The following PTK7 variants were observed in gnomAD, a reference collection of about 807,000 sequenced individuals.
The protein encoded by PTK7 is inactive tyrosine-protein kinase 7.
In PTK7, 39 loss-of-function variants were observed where a neutral mutation model predicts 116.6. The observed-to-expected ratio is 0.33, with a 90% confidence interval of 0.26 to 0.44. PTK7 has a LOEUF of 0.44. Ranked by LOEUF, PTK7 falls within the 20% of genes least tolerant of loss-of-function variation. The pLI is 1.00. For missense variants in PTK7, 1,169 were observed against 1,425.6 expected (o/e 0.82, Z 2.90); for synonymous variants, 546 against 563.6 (o/e 0.97, Z 0.44).
chr6:43,087,631 C>T (rs1766731725), intron 1 of PTK7, among the ~76,000 whole-genome samples: 1 of 152,180 alleles, frequency 6.6e-6, no homozygotes, highest in South Asian at 2.1e-4. Flanking sequence ...CCACATTTGC[C>T]TAAAACTGCC....
In PTK7 at chr6:43,160,910, C is replaced by A. The variant is rs370470203; in HGVS notation, c.*29C>A. On this transcript the variant is annotated 3_prime_UTR_variant, in exon 20 of 20. Transcript: ENST00000230419. ...GGGAGCCCGCTCAGGATGGCCTGGG[C>A]AGGGGAGGACATCTCTAGAGGGAAG... 4.4e-6 allele frequency: 7 copies of A among 1,608,984 alleles called. No homozygotes were observed. The highest frequency in any genetic ancestry group is 1.7e-5 in the Admixed American group (1 of 59,782).
In PTK7 at chr6:43,128,940, C is replaced by T. The variant is rs745399954; in HGVS notation, c.80-37C>T. 1.3e-5 allele frequency: 21 copies of T among 1,566,016 alleles called. No homozygotes were observed. In the South Asian group the frequency reaches 2.3e-4, roughly 17 times the overall value. On this transcript the variant is annotated intron_variant, in intron 1 of 19. Coordinates refer to ENST00000230419, the MANE Select transcript of PTK7 (RefSeq NM_002821.5). ...CTGTGTTAGGACAGAGGCTGCAGCT[C>T]CCCCTGACCCTGCCTCTCCCCTGTT...
At chr6:43,114,463 G>A (rs991222324) in intron 1 of PTK7, among the ~76,000 whole-genome samples, 1 of 151,314 alleles carries the variant, frequency 6.6e-6, no homozygotes, top group Non-Finnish European at 1.5e-5. Context: ...TCTCTCTCCT[G>A]TCTGTCTCTG....
At chr6:43,126,654 A>T (rs955188969) in intron 1 of PTK7, among the ~76,000 whole-genome samples, 1 of 152,234 alleles carries the variant, frequency 6.6e-6, no homozygotes, top group African/African-American at 2.4e-5. Flanking sequence ...TCTTTGGGTC[A>T]TAGTCCTGGC....
chr6:43,103,126 A>C (rs1767674285), intron 1 of PTK7, among the ~76,000 whole-genome samples: 2 of 152,262 alleles, frequency 1.3e-5, no homozygotes, highest in Admixed American at 6.5e-5. Context: ...ACCATTTAGA[A>C]AATACAACAG....
intron 1 of PTK7, among the ~76,000 whole-genome samples, chr6:43,122,787 A>G (rs1335222172): frequency 1.3e-5 from 2 of 151,872 alleles, no homozygotes; most frequent in East Asian, 1.9e-4. Flanking sequence ...TTGTATTTTT[A>G]GTAGATATGG....
At chr6:43,134,557 G>A (rs926683240) in intron 7 of PTK7, among the ~76,000 whole-genome samples, 1 of 151,924 alleles carries the variant, frequency 6.6e-6, no homozygotes, top group Non-Finnish European at 1.5e-5. Context: ...CGAGGTGGGT[G>A]GATCACGAGG....
intron 5 of PTK7, chr6:43,131,762 G>A (rs73736708): frequency 2.6e-5 from 14 of 534,768 alleles, no homozygotes; most frequent in South Asian, 1.8e-4. Context: ...ACTCTCTCTC[G>A]CACCTGCATT....
At chr6:43,082,421 C>T (rs748992904) in intron 1 of PTK7, among the ~76,000 whole-genome samples, 2 of 152,148 alleles carry the variant, frequency 1.3e-5, no homozygotes, top group South Asian at 2.1e-4. Flanking sequence ...CATGATCCGC[C>T]CACCTCAGCC....
intron 1 of PTK7, among the ~76,000 whole-genome samples, chr6:43,118,655 C>CTATATATA (rs1384965257): frequency 1.4e-5 from 1 of 70,386 alleles, no homozygotes; most frequent in Non-Finnish European, 2.6e-5. Flanking sequence ...CTCTCTCTCT[C>CTATATATA]TCTCTATATA....
At chr6:43,118,749 ATG>A (rs58128834) in intron 1 of PTK7, among the ~76,000 whole-genome samples, 14,461 of 118,534 alleles carry the variant, frequency 0.12, 983 homozygotes, top group African/African-American at 0.19. Context: ...ATGTGTGTGT[ATG>A]TGTGTGTGTG....
At chr6:43,079,636 G>T (rs1043243366) in intron 1 of PTK7, among the ~76,000 whole-genome samples, 7 of 152,092 alleles carry the variant, frequency 4.6e-5, no homozygotes, top group Non-Finnish European at 1.0e-4. Context: ...TATCACCCAG[G>T]CTAGAGTGCA....
chr6:43,093,815 GTACAC>G (rs1561937751), intron 1 of PTK7, among the ~76,000 whole-genome samples: 2 of 152,170 alleles, frequency 1.3e-5, no homozygotes, highest in South Asian at 4.1e-4. Context: ...GAAAATGAAA[GTACAC>G]TCCACAGTGT....
intron 19 of PTK7, 109 bp downstream of exon 19, chr6:43,160,075 A>G: frequency 8.6e-7 from 1 of 1,168,676 alleles, no homozygotes; most frequent in Non-Finnish European, 1.2e-6. Flanking sequence ...GCTACTGAGC[A>G]GGCACACAGA....
At chr6:43,099,849 C>T (rs572577184) in intron 1 of PTK7, among the ~76,000 whole-genome samples, 2 of 151,894 alleles carry the variant, frequency 1.3e-5, no homozygotes, top group South Asian at 2.1e-4. Context: ...GCAGGCAGAT[C>T]ACTTGAGTGC....
intron 17 of PTK7, among the ~76,000 whole-genome samples, chr6:43,151,580 G>A (rs1771092799): frequency 6.8e-6 from 1 of 146,124 alleles, no homozygotes; most frequent in Admixed American, 6.9e-5. Flanking sequence ...TCGCCAGGCT[G>A]GAGTGTGGTG....
At chr6:43,077,773 C>T (rs1252263706) in intron 1 of PTK7, among the ~76,000 whole-genome samples, 5 of 152,248 alleles carry the variant, frequency 3.3e-5, no homozygotes, top group African/African-American at 1.2e-4. Context: ...TAATATCTTT[C>T]TGGCCTGCCA....
intron 17 of PTK7, among the ~76,000 whole-genome samples, chr6:43,157,339 TATATATATATATATATATATATATA>T (rs1771503304): frequency 1.5e-3 from 6 of 4,078 alleles, no homozygotes; most frequent in African/African-American, 4.8e-3. Flanking sequence ...TATATATATA[TATATATATATATATATATATATATA>T]TTTTTTTTTT....
At chr6:43,154,631 G>C (rs4714669) in intron 17 of PTK7, among the ~76,000 whole-genome samples, 150,162 of 152,328 alleles carry the variant, frequency 0.99, 74,024 homozygotes, top group East Asian at 1. Context: ...AGTTAGCAAA[G>C]CACCAGTAGA....
Sources: allele counts gnomAD v4.1 joint callset (sites outside exome capture counted in the v4.1 genomes callset), GRCh38; gene constraint gnomAD v4.1.1; transcripts MANE v1.5; gene names NCBI Gene and HGNC (gene_info 2026-07-23, HGNC 2026-07-21).